Variants in SDK2 observed in about 807,000 individuals in gnomAD.
SDK2 encodes sidekick cell adhesion molecule 2.
Under a neutral mutation model 253.9 loss-of-function variants are expected in SDK2, and 105 were observed. The ratio of observed to expected loss-of-function variants is 0.41; its 90% CI spans 0.35 to 0.49. SDK2 has a LOEUF of 0.49. SDK2 is among the 20% of genes least tolerant of loss of function. The pLI, the probability that SDK2 is intolerant of heterozygous loss-of-function variation, is 0.06. For synonymous variants in SDK2, 1,249 were observed against 1,234.9 expected, an observed-to-expected ratio of 1.01 and a Z score of -0.24; for missense variants, 2,608 against 3,003.0, an observed-to-expected ratio of 0.87 and a Z score of 3.07.
chr17:73,439,492 A>T (rs913457621), intron 6 of SDK2, among the ~76,000 whole-genome samples: 9 of 152,176 alleles, frequency 5.9e-5, no homozygotes, highest in African/African-American at 1.9e-4. Flanking sequence ...AGGCTGAGGC[A>T]GGAGGATCAC....
rs905280554 is a variant in SDK2, at chr17:73,639,674, C to A, written c.64+4351G>T. Among the ~76,000 whole-genome samples, 2 of 152,288 alleles carry A rather than the reference C, an allele frequency of 1.3e-5. No homozygotes were observed. Among genetic ancestry groups the A allele is most frequent in the African/African-American group, 2.4e-5 (1 of 41,564 alleles). On this transcript the variant is annotated intron_variant, in intron 1 of 44. Transcript: ENST00000392650. This position sits in a 1 kb window ranked among gnomAD's most constrained non-coding sequence, Gnocchi z 4.3. ...CGCACACTAACACCCGACATCAATT[C>A]CAACTCAGCCTCCTGCCTCCCAGAG...
intron 1 of SDK2, among the ~76,000 whole-genome samples, chr17:73,509,913 A>AAAAAAAAAAAAAAAAAAAAAAAAC (rs2063966747): frequency 1.4e-5 from 2 of 144,472 alleles, no homozygotes; most frequent in Non-Finnish European, 3.0e-5. Context: ...AAAAAAAAAA[A>AAAAAAAAAAAAAAAAAAAAAAAAC]AAAAAAAAAG....
At chr17:73,399,394 G>T in intron 21 of SDK2, 105 bp from the exon 22 acceptor site, 1 of 1,249,200 alleles carries the variant, frequency 8.0e-7, no homozygotes, top group Non-Finnish European at 1.1e-6. Flanking sequence ...GCTTTTCCTG[G>T]AAATGTCTGA....
intron 36 of SDK2, among the ~76,000 whole-genome samples, chr17:73,371,456 T>C (rs925005767): frequency 4.6e-5 from 7 of 152,154 alleles, no homozygotes; most frequent in African/African-American, 1.7e-4. Flanking sequence ...TCAGGCAGGA[T>C]AAGCCTGTGG....
At chr17:73,418,940 C>G (rs1455120816) in intron 16 of SDK2, among the ~76,000 whole-genome samples, 2 of 152,136 alleles carry the variant, frequency 1.3e-5, no homozygotes, top group Non-Finnish European at 2.9e-5. Context: ...TATAGCCTCC[C>G]CTCTCACGCA....
At chr17:73,405,491 T>A (rs1456400317) in intron 18 of SDK2, among the ~76,000 whole-genome samples, 3 of 95,234 alleles carry the variant, frequency 3.2e-5, no homozygotes, top group Admixed American at 1.1e-4. Context: ...TATATATATA[T>A]ATATATATAT....
intron 36 of SDK2, among the ~76,000 whole-genome samples, chr17:73,377,134 A>G (rs2062788781): frequency 6.7e-6 from 1 of 150,066 alleles, no homozygotes; most frequent in African/African-American, 2.5e-5. Context: ...ATGAGAGTCA[A>G]CTGGACACTG....
intron 39 of SDK2, among the ~76,000 whole-genome samples, chr17:73,359,320 A>C (rs1455847003): frequency 1.3e-5 from 2 of 151,562 alleles, no homozygotes; most frequent in Non-Finnish European, 2.9e-5. Flanking sequence ...CATCGCTCAC[A>C]CAGCCTGGCA....
intron 40 of SDK2, among the ~76,000 whole-genome samples, chr17:73,357,141 C>T (rs566249218): frequency 1.2e-4 from 18 of 152,288 alleles, no homozygotes; most frequent in South Asian, 2.1e-4. Flanking sequence ...TATGCAACTG[C>T]GATTATTAGC....
chr17:73,423,808 G>T, intron 13 of SDK2, 108 bp downstream of exon 13: 1 of 943,710 alleles, frequency 1.1e-6, no homozygotes, highest in African/African-American at 1.8e-5. Flanking sequence ...GAACAGTTCA[G>T]GTCACACGTG....
Position 73,435,745 on chromosome 17 carries a change from G to T in SDK2, c.1001-101C>A, listed in dbSNP as rs542228569. Reference sequence around the variant, plus strand: ...GCCGGGCCCGGAAATCTGCGAGGGGGTCCCTGGTGAATCTTGGTGTCTAGA... The same window carrying T: ...GCCGGGCCCGGAAATCTGCGAGGGGTTCCCTGGTGAATCTTGGTGTCTAGA... On this transcript the variant is annotated intron_variant, in intron 8 of 44. Transcript: ENST00000392650. The surrounding 1 kb of genome is among the most constrained non-coding windows in gnomAD (Gnocchi z 5.7). 3 of 1,097,552 alleles carry T rather than the reference G, an allele frequency of 2.7e-6. No individual in the cohort carries two copies. The highest frequency in any genetic ancestry group is 2.5e-5 in the Admixed American group (1 of 39,692). 68.0% of individuals were successfully genotyped at this position (1,097,552 alleles called of 1,614,324 possible).
At position 73,355,174 on chromosome 17, in the gene SDK2, A is replaced by ATATATATTTTTT; in HGVS notation, c.5594-2538_5594-2537insAAAAAATATATA. 4.2e-5 allele frequency among the ~76,000 whole-genome samples: 2 copies of ATATATATTTTTT among 47,240 alleles called. 1 individual carries two copies. The highest frequency in any genetic ancestry group is 3.3e-4 in the African/African-American group (2 of 6,144). 31.0% of individuals were successfully genotyped at this position (47,240 alleles called of 152,430 possible). On this transcript the variant is annotated intron_variant, in intron 40 of 44. Coordinates refer to ENST00000392650, the MANE Select transcript of SDK2 (RefSeq NM_001144952.2). Reference sequence around the variant, plus strand: ...CCTACACCTCCATATATATATATATATTTTTTTTTTTTTTTTTTTTTAGAC... The same window carrying ATATATATTTTTT: ...CCTACACCTCCATATATATATATATATATATATTTTTTTTTTTTTTTTTTTTTTTTTTTAGAC...
In SDK2 at chr17:73,616,661, GT is replaced by G. The variant is rs1267378610; in HGVS notation, c.64+27363del. On this transcript the variant is annotated intron_variant, in intron 1 of 44. Coordinates refer to ENST00000392650, the MANE Select transcript of SDK2 (RefSeq NM_001144952.2). This position sits in a 1 kb window ranked among gnomAD's most constrained non-coding sequence, Gnocchi z 5.2. ...ACGAAGGAAGATAAGAAACTAACTAGTCCAGCTAGTTTTTGCAGAATGCTGT... is the reference window on the plus strand; with the variant it reads ...ACGAAGGAAGATAAGAAACTAACTAGCCAGCTAGTTTTTGCAGAATGCTGT... Among the ~76,000 whole-genome samples, 2 of 152,184 alleles carry G rather than the reference GT, an allele frequency of 1.3e-5. No individual in the cohort carries two copies. The highest frequency in any genetic ancestry group is 4.8e-5 in the African/African-American group (2 of 41,448).
chr17:73,497,255 A>G lies in SDK2; in HGVS notation c.224+10183T>C, dbSNP rs142454774. ...GACACAGTTGGTCCTTCCTAAACCA[A>G]GAACACACCCTCTTTCCTCCCAAGA... On this transcript the variant is annotated intron_variant, in intron 2 of 44. Coordinates refer to ENST00000392650, the MANE Select transcript of SDK2 (RefSeq NM_001144952.2). 3.2e-3 allele frequency among the ~76,000 whole-genome samples: 485 copies of G among 152,256 alleles called. 1 individual carries two copies. Among genetic ancestry groups the G allele is most frequent in the African/African-American group, 0.011 (469 of 41,546 alleles).
At chr17:73,339,213 G>GTTTTTTTTGTTTTT (rs1568356151) in intron 44 of SDK2, among the ~76,000 whole-genome samples, 3 of 127,610 alleles carry the variant, frequency 2.4e-5, no homozygotes, top group African/African-American at 2.8e-5. Context: ...GAAGACCTGA[G>GTTTTTTTTGTTTTT]TTTTTTTTTG....
intron 12 of SDK2, among the ~76,000 whole-genome samples, chr17:73,429,454 T>A (rs1321930485): frequency 6.6e-6 from 1 of 152,246 alleles, no homozygotes; most frequent in Non-Finnish European, 1.5e-5. Context: ...ATATGTTCTC[T>A]GAGAATCAGT....
At chr17:73,535,838 G>C (rs748675372) in intron 1 of SDK2, among the ~76,000 whole-genome samples, 5 of 152,134 alleles carry the variant, frequency 3.3e-5, no homozygotes, top group Non-Finnish European at 7.4e-5. Flanking sequence ...GCCACACAAA[G>C]CTGCTTGGAC....
In SDK2 at chr17:73,431,739, C is replaced by T. The variant is rs1047492793; in HGVS notation, c.1313-70G>A. On this transcript the variant is annotated intron_variant, in intron 10 of 44. Transcript: ENST00000392650. This position sits in a 1 kb window ranked among gnomAD's most constrained non-coding sequence, Gnocchi z 5.6. ...CACACCCTGCCCTTCCCTGGCCGCT[C>T]CAGGGCAGCATGGTCCCCCCACAGG... 9 of 1,453,720 alleles carry T rather than the reference C, an allele frequency of 6.2e-6. No individual in the cohort carries two copies. The highest frequency in any genetic ancestry group is 8.2e-6 in the Non-Finnish European group (9 of 1,095,650). 90.1% of individuals were successfully genotyped at this position (1,453,720 alleles called of 1,614,324 possible).
chr17:73,590,128 T>A (rs2045662396), intron 1 of SDK2, among the ~76,000 whole-genome samples: 1 of 152,104 alleles, frequency 6.6e-6, no homozygotes, highest in Non-Finnish European at 1.5e-5. Flanking sequence ...AGGGAGCCGA[T>A]GAGGGCCTTT....
Sources: gnomAD v4.1 joint callset for allele counts (sites outside exome capture counted in the v4.1 genomes callset) on GRCh38, gnomAD v4.1.1 for gene constraint, Gnocchi (gnomAD v3.1) non-coding constraint, MANE v1.5 for transcripts, NCBI Gene and HGNC (gene_info 2026-07-23, HGNC 2026-07-21) for gene names.